The following HPR variants were observed in gnomAD, a reference collection of about 807,000 sequenced individuals.
The protein encoded by HPR is Haptoglobin-related locus.
In HPR, 17 loss-of-function variants were observed where a neutral mutation model predicts 18.5. The ratio of observed to expected loss-of-function variants is 0.92; its 90% CI spans 0.63 to 1.38. The LOEUF (loss-of-function observed/expected upper bound fraction) is 1.38. Ranked by LOEUF, HPR falls within the 40% of genes most tolerant of loss-of-function variation. HPR has a pLI of 0.00. For missense variants in HPR, 457 were observed against 432.4 expected, an observed-to-expected ratio of 1.06 and a Z score of -0.51; for synonymous variants, 176 against 165.0, an observed-to-expected ratio of 1.07 and a Z score of -0.51.
Position 72,074,274 on chromosome 16 carries a change from C to G in HPR, c.92-10C>G. On this transcript the variant is annotated splice_polypyrimidine_tract_variant and intron_variant, in intron 2 of 4. Transcript: ENST00000540303. ...AAATGGTAAACTCTCTGGCTTCTCT[C>G]TCTTTGCAGATGACCGCTTCCCGAA... is the stretch of plus-strand genomic sequence containing the variant. 1 of 1,611,290 alleles carries G rather than the reference C, an allele frequency of 6.2e-7. No individual in the cohort carries two copies. Among genetic ancestry groups the G allele is most frequent in the Non-Finnish European group, 8.5e-7 (1 of 1,177,480 alleles).
At chr16:72,066,804 T>C (rs764310414) in intron 1 of HPR, among the ~76,000 whole-genome samples, 15 of 152,096 alleles carry the variant, frequency 9.9e-5, no homozygotes, top group South Asian at 2.1e-4. Context: ...AAAAGGTGTA[T>C]GTGAGGAGGG....
intron 1 of HPR, 179 bp from the exon 2 acceptor site, chr16:72,073,713 G>C: frequency 6.6e-7 from 1 of 1,509,636 alleles, no homozygotes; most frequent in Non-Finnish European, 8.9e-7. Context: ...GCAACTTCTT[G>C]GTCCTAGCAC....
intron 1 of HPR, among the ~76,000 whole-genome samples, chr16:72,068,213 A>G (rs7185840): frequency 0.61 from 92,375 of 151,922 alleles, 29,212 homozygotes; most frequent in African/African-American, 0.77. Context: ...TTGACCATCT[A>G]CAGTTCGAGG....
In HPR at chr16:72,073,995, G is replaced by A. The variant is rs769679643; in HGVS notation, c.91+18G>A. The A allele has an allele frequency of 1.2e-6, 2 of 1,613,918 alleles. No homozygotes were observed. Among genetic ancestry groups the A allele is most frequent in the Admixed American group, 3.3e-5 (2 of 60,016 alleles). ...TATTTCAGGTCAGTCTTTGAGTTGGGTAGGAGCATGCATCCCTGGCACTGC... is the reference window on the plus strand; with the variant it reads ...TATTTCAGGTCAGTCTTTGAGTTGGATAGGAGCATGCATCCCTGGCACTGC... On this transcript the variant is annotated intron_variant, in intron 2 of 4. Coordinates refer to ENST00000540303, the MANE Select transcript of HPR (RefSeq NM_020995.4).
chr16:72,067,209 G>C (rs1567588131), intron 1 of HPR, among the ~76,000 whole-genome samples: 1 of 152,054 alleles, frequency 6.6e-6, no homozygotes, highest in Non-Finnish European at 1.5e-5. Flanking sequence ...AGTCCCACCA[G>C]GAGCCCTTGA....
At chr16:72,071,508 C>T (rs772476086) in intron 1 of HPR, among the ~76,000 whole-genome samples, 1 of 152,154 alleles carries the variant, frequency 6.6e-6, no homozygotes, top group South Asian at 2.1e-4. Context: ...TGAAGCTCAA[C>T]ACCCTGAGGG....
intron 1 of HPR, among the ~76,000 whole-genome samples, chr16:72,068,404 G>A (rs1311331750): frequency 7.2e-5 from 11 of 152,194 alleles, no homozygotes; most frequent in African/African-American, 1.2e-4. Context: ...GGATACTGCC[G>A]CTTAAGGATT....
chr16:72,069,219 A>C (rs1271058569), intron 1 of HPR, among the ~76,000 whole-genome samples: 2 of 152,126 alleles, frequency 1.3e-5, no homozygotes, highest in Non-Finnish European at 2.9e-5. Context: ...AAAAAGTTGG[A>C]CTGAATGTGG....
intron 2 of HPR, 75 bp from the exon 3 acceptor site, chr16:72,074,209 C>T: frequency 7.3e-7 from 1 of 1,371,758 alleles, no homozygotes; most frequent in Non-Finnish European, 1.0e-6. Flanking sequence ...GAGCAGCTTC[C>T]ACTCATCTGA....
chr16:72,063,756 T>A (rs2041567233), intron 1 of HPR, among the ~76,000 whole-genome samples: 1 of 152,124 alleles, frequency 6.6e-6, no homozygotes, highest in African/African-American at 2.4e-5. Context: ...GAAACTTTTT[T>A]TTTTGTGAGA....
intron 1 of HPR, among the ~76,000 whole-genome samples, chr16:72,072,596 C>T (rs747744907): frequency 1.1e-4 from 17 of 152,210 alleles, no homozygotes; most frequent in Non-Finnish European, 1.8e-4. Flanking sequence ...AATTCTTTGG[C>T]AAATGGAAGG....
chr16:72,065,276 T>C (rs1364509199), intron 1 of HPR, among the ~76,000 whole-genome samples: 2 of 151,420 alleles, frequency 1.3e-5, no homozygotes, highest in Non-Finnish European at 2.9e-5. Context: ...CTCCAGGAGG[T>C]GGGGCTAAAA....
rs776718417 is a variant in HPR at position 72,074,362 on chromosome 16, A to G, written c.170A>G (p.Tyr57Cys). 6.2e-7 allele frequency: 1 copy of G among 1,613,504 alleles called. No homozygotes were observed. The highest frequency in any genetic ancestry group is 1.1e-5 in the South Asian group (1 of 91,056). Reference protein sequence around the residue: ...HLFRYQCKNYYRLRTEGDGVY... With the variant: ...HLFRYQCKNYCRLRTEGDGVY... ...TTTCGCTACCAGTGTAAGAACTACT[A>G]CAGACTGCGCACAGAAGGAGATGGT... The change falls in exon 3 of 5, where the codon TAC becomes TGC. Residue 57 changes from tyrosine to cysteine, a missense_variant. By Grantham distance (194) the Tyr-to-Cys change is radical. Coordinates refer to ENST00000540303, the MANE Select transcript of HPR (RefSeq NM_020995.4).
chr16:72,071,103 AATG>A (rs1340590848), intron 1 of HPR, among the ~76,000 whole-genome samples: 1 of 152,164 alleles, frequency 6.6e-6, no homozygotes, highest in Non-Finnish European at 1.5e-5. Flanking sequence ...ACTGGTTAAC[AATG>A]ATAATTAAAA....
At chr16:72,073,740 T>G in intron 1 of HPR, 152 bp from the exon 2 acceptor site, 2 of 1,560,958 alleles carry the variant, frequency 1.3e-6, no homozygotes, top group Non-Finnish European at 1.7e-6. Context: ...ATATTGATTT[T>G]CTTTTCTGGC....
At position 72,076,853 on chromosome 16, in the gene HPR, G is replaced by A. The variant is rs1044278895; in HGVS notation, c.819G>A (p.Gln273=). 1 of 1,614,128 alleles carries A rather than the reference G, an allele frequency of 6.2e-7. No individual in the cohort carries two copies. Among genetic ancestry groups the A allele is most frequent in the Non-Finnish European group, 8.5e-7 (1 of 1,180,054 alleles). ...WKAPKSPVGV[Q]PILNEHTFCV... is the part of the protein sequence containing the mutation. ...CACCGAAGAGCCCTGTAGGGGTGCA[G>A]CCCATACTGAACGAACACACCTTCT... Residue 273 remains glutamine, a synonymous_variant, in exon 5 of 5, where the codon CAG becomes CAA. Transcript: ENST00000540303.
In HPR at chr16:72,065,362, T is replaced by C. The variant is rs992405856; in HGVS notation, c.5+2102T>C. Among the ~76,000 whole-genome samples, 27 of 151,976 alleles carry C rather than the reference T, an allele frequency of 1.8e-4. 1 individual carries two copies. The highest frequency in any genetic ancestry group is 5.8e-4 in the African/African-American group (24 of 41,392). On this transcript the variant is annotated intron_variant, in intron 1 of 4. Transcript: ENST00000540303. ...ACAGATAAAAAAGAAATTCCTAATA[T>C]GAGGAACTGAGCCACAGCAAGCCTC...
In HPR at chr16:72,077,147, G is replaced by C; in HGVS notation, c.*66G>C. On this transcript the variant is annotated 3_prime_UTR_variant, in exon 5 of 5. Coordinates refer to ENST00000540303, the MANE Select transcript of HPR (RefSeq NM_020995.4). ...CAGCCTGGAAGAGGGCAAAGTGGAC[G>C]GGAGTGGACAGGAGTGGATGCGATA... 3 of 1,513,078 alleles carry C rather than the reference G, an allele frequency of 2.0e-6. No individual in the cohort carries two copies. Among genetic ancestry groups the C allele is most frequent in the South Asian group, 2.5e-5 (2 of 79,664 alleles). The allele number at this position is 1,513,078 out of a possible 1,614,324, so 93.7% of individuals were successfully genotyped here.
chr16:72,066,318 C>A (rs968826466), intron 1 of HPR, among the ~76,000 whole-genome samples: 4 of 152,072 alleles, frequency 2.6e-5, no homozygotes, highest in African/African-American at 9.7e-5. Flanking sequence ...TTGGGTCGAG[C>A]AAATGTCTAT....
Sources: gnomAD v4.1 joint callset for allele counts (sites outside exome capture counted in the v4.1 genomes callset) on GRCh38, gnomAD v4.1.1 for gene constraint, MANE v1.5 for transcripts, NCBI Gene and HGNC (gene_info 2026-07-23, HGNC 2026-07-21) for gene names.